RASGRP3: variants seen among roughly 807,000 people sequenced by gnomAD.
The protein encoded by RASGRP3 is RAS guanyl releasing protein 3.
RASGRP3 carries 54 observed loss-of-function variants against 82.7 expected under a neutral mutation model. That is an observed-to-expected ratio of 0.65 (90% confidence interval 0.52 to 0.82). The LOEUF is 0.82. RASGRP3 is among the 40% of genes least tolerant of loss of function. The pLI is 0.00. For synonymous variants in RASGRP3, 309 were observed against 300.5 expected (o/e 1.03, Z -0.29); for missense variants, 861 against 828.9 (o/e 1.04, Z -0.48).
At chr2:33,467,692 A>G (rs1169301764) in intron 2 of RASGRP3, among the ~76,000 whole-genome samples, 1 of 152,210 alleles carries the variant, frequency 6.6e-6, no homozygotes, top group Non-Finnish European at 1.5e-5. Context: ...ATGGACCCAC[A>G]GCTTCAGGAG....
At chr2:33,513,234 G>T (rs953512178) in intron 2 of RASGRP3, among the ~76,000 whole-genome samples, 2 of 152,176 alleles carry the variant, frequency 1.3e-5, no homozygotes, top group African/African-American at 4.8e-5. Context: ...CAAGAATCTG[G>T]TTCTTTCACA....
chr2:33,494,819 A>G (rs1395760540), intron 1 of RASGRP3, among the ~76,000 whole-genome samples: 3 of 152,260 alleles, frequency 2.0e-5, no homozygotes, highest in Non-Finnish European at 4.4e-5. Flanking sequence ...ATATAAAAGA[A>G]TAAACCAGAA....
At chr2:33,473,115 C>T (rs910713719), upstream of RASGRP3, among the ~76,000 whole-genome samples, 1 of 152,092 alleles carries the variant, frequency 6.6e-6, no homozygotes. Context: ...GTAATCCCAG[C>T]ACTTTGGGAG....
intron 1 of RASGRP3, among the ~76,000 whole-genome samples, chr2:33,486,896 G>C (rs578004058): frequency 3.9e-5 from 6 of 152,316 alleles, no homozygotes; most frequent in African/African-American, 1.4e-4. Flanking sequence ...GTGGTTAACA[G>C]TAGTGTTTGC....
At chr2:33,550,785 C>G (rs754705060) in intron 14 of RASGRP3, among the ~76,000 whole-genome samples, 1 of 152,178 alleles carries the variant, frequency 6.6e-6, no homozygotes, top group Non-Finnish European at 1.5e-5. Context: ...ATCCCATGCT[C>G]AAAGAACTGG....
intron 1 of RASGRP3, among the ~76,000 whole-genome samples, chr2:33,505,081 C>A (rs1670232785): frequency 6.6e-6 from 1 of 151,936 alleles, no homozygotes. Context: ...ACACTGTGAC[C>A]AACATGAAGA....
At chr2:33,537,320 A>ACACACCCCCCCCC (rs771052774) in intron 11 of RASGRP3, among the ~76,000 whole-genome samples, 1 of 33,324 alleles carries the variant, frequency 3.0e-5, no homozygotes, top group Non-Finnish European at 5.6e-5. Flanking sequence ...ACACACACAC[A>ACACACCCCCCCCC]CCGCCCCCCC....
At chr2:33,544,647 A>G (rs1674571691) in intron 13 of RASGRP3, among the ~76,000 whole-genome samples, 1 of 152,190 alleles carries the variant, frequency 6.6e-6, no homozygotes. Flanking sequence ...AAATGGGCAA[A>G]TTAAATTACA....
intron 1 of RASGRP3, among the ~76,000 whole-genome samples, chr2:33,500,519 G>T (rs1250663979): frequency 1.3e-5 from 2 of 152,184 alleles, no homozygotes; most frequent in Non-Finnish European, 2.9e-5. Context: ...ACTTGGGCAT[G>T]AGGGATGGCA....
chr2:33,495,684 G>A (rs1669243664), intron 1 of RASGRP3, among the ~76,000 whole-genome samples: 1 of 152,200 alleles, frequency 6.6e-6, no homozygotes, highest in Admixed American at 6.5e-5. Context: ...TTGAGCCCAG[G>A]AATCTGAGAC....
Position 33,562,901 on chromosome 2 carries a change from G to C in RASGRP3, c.*164G>C, listed in dbSNP as rs1008512817. 9.7e-6 allele frequency: 8 copies of C among 825,008 alleles called. No individual in the cohort carries two copies. The African/African-American group carries it at 1.1e-4, about 11-fold the overall frequency. The allele number at this position is 825,008 out of a possible 1,614,324, so 51.1% of individuals were successfully genotyped here. A position where few individuals can be genotyped will look rare whatever the true frequency, so the allele number is the denominator to read the frequency against. ...CTCCATGTTTGGACTATGGGACAGA[G>C]AATTGACCCTAACTAACTAACTATG... On this transcript the variant is annotated 3_prime_UTR_variant, in exon 18 of 18. Transcript: ENST00000403687.
At chr2:33,440,233 GACA>G (rs58489442) in intron 1 of RASGRP3, among the ~76,000 whole-genome samples, 249 of 152,214 alleles carry the variant, frequency 1.6e-3, no homozygotes, top group African/African-American at 5.8e-3. Flanking sequence ...AAATAAAAAC[GACA>G]ACATTTATTA....
intron 10 of RASGRP3, among the ~76,000 whole-genome samples, chr2:33,528,268 T>C (rs1289766380): frequency 6.6e-6 from 1 of 152,234 alleles, no homozygotes; most frequent in Non-Finnish European, 1.5e-5. Flanking sequence ...ACTCAATAAA[T>C]GAACTGCATG....
chr2:33,537,993 G>A (rs944131410), intron 11 of RASGRP3, among the ~76,000 whole-genome samples: 7 of 152,194 alleles, frequency 4.6e-5, no homozygotes, highest in East Asian at 1.9e-4. Flanking sequence ...AGGTGCAGAC[G>A]TAAGGACATA....
intron 13 of RASGRP3, among the ~76,000 whole-genome samples, chr2:33,546,738 GTACATATACATCA>G (rs1457499574): frequency 1.5e-4 from 23 of 152,110 alleles, no homozygotes; most frequent in African/African-American, 5.5e-4. Flanking sequence ...AGAAAATGTG[GTACATATACATCA>G]TGGACTATTA....
chr2:33,547,543 T>C (rs1574479556), intron 13 of RASGRP3, among the ~76,000 whole-genome samples: 1 of 151,820 alleles, frequency 6.6e-6, no homozygotes, highest in Non-Finnish European at 1.5e-5. Context: ...AGAGATGAAG[T>C]TGGACTTAGA....
chr2:33,537,387 G>C (rs1673760035), intron 11 of RASGRP3, among the ~76,000 whole-genome samples: 1 of 143,804 alleles, frequency 7.0e-6, no homozygotes, highest in Non-Finnish European at 1.5e-5. Flanking sequence ...TTGAAACGGA[G>C]TCTTGCTGTG....
At chr2:33,534,926 A>C (rs1162174733) in intron 11 of RASGRP3, among the ~76,000 whole-genome samples, 1 of 152,082 alleles carries the variant, frequency 6.6e-6, no homozygotes, top group African/African-American at 2.4e-5. Flanking sequence ...AAGAGGAAGA[A>C]CATCATTCTC....
At chr2:33,536,324 A>G (rs1191394132) in intron 11 of RASGRP3, among the ~76,000 whole-genome samples, 1 of 40,116 alleles carries the variant, frequency 2.5e-5, no homozygotes, top group African/African-American at 4.4e-5. Flanking sequence ...TTAAAAAAGA[A>G]AAAAAAAAAA....
Sources: gnomAD v4.1 joint callset for allele counts (sites outside exome capture counted in the v4.1 genomes callset) on GRCh38, gnomAD v4.1.1 for gene constraint, MANE v1.5 for transcripts, NCBI Gene and HGNC (gene_info 2026-07-23, HGNC 2026-07-21) for gene names.